The following BTBD9 variants were observed in gnomAD, a reference collection of about 807,000 sequenced individuals.
BTBD9 encodes BTB/POZ domain-containing protein 9.
BTBD9 carries 49 observed loss-of-function variants against 64.3 expected under a neutral mutation model. The observed-to-expected ratio is 0.76, with a 90% confidence interval of 0.61 to 0.97. BTBD9 has a LOEUF of 0.97. Among genes scored for constraint, BTBD9 ranks in the 50% least tolerant of loss-of-function variants. The pLI is 0.00. For missense variants in BTBD9, 598 were observed against 762.1 expected (o/e 0.78, Z 2.53); for synonymous variants, 260 against 274.7 (o/e 0.95, Z 0.53).
At chr6:38,631,482 T>C (rs1778360244) in intron 1 of BTBD9, among the ~76,000 whole-genome samples, 1 of 152,224 alleles carries the variant, frequency 6.6e-6, no homozygotes, top group African/African-American at 2.4e-5. Context: ...AGTAACAGTG[T>C]TATATTCAAA....
intron 6 of BTBD9, chr6:38,566,104 T>C (rs1055018292): frequency 3.3e-5 from 5 of 152,142 alleles, no homozygotes; most frequent in Non-Finnish European, 7.4e-5. Context: ...TTTATTGATA[T>C]AGAATAACAA....
intron 8 of BTBD9, among the ~76,000 whole-genome samples, chr6:38,269,667 T>C (rs575680108): frequency 1.3e-5 from 2 of 152,290 alleles, no homozygotes; most frequent in South Asian, 4.1e-4. Flanking sequence ...AAGGGAGGGT[T>C]TGCAGTTCTC....
At chr6:38,417,793 AG>A (rs1767734887) in intron 6 of BTBD9, among the ~76,000 whole-genome samples, 13 of 102,506 alleles carry the variant, frequency 1.3e-4, no homozygotes, top group Admixed American at 1.0e-4. Context: ...AGAGAGAGAG[AG>A]AGAGAGAAAA....
chr6:38,463,367 C>T (rs1464962233), intron 6 of BTBD9, among the ~76,000 whole-genome samples: 1 of 152,210 alleles, frequency 6.6e-6, no homozygotes, highest in Admixed American at 6.5e-5. Flanking sequence ...ATGCCTTTTA[C>T]TTCTCTTCCT....
chr6:38,308,389 A>G (rs985524596), intron 7 of BTBD9, among the ~76,000 whole-genome samples: 3 of 152,376 alleles, frequency 2.0e-5, no homozygotes, highest in African/African-American at 7.2e-5. Context: ...TGATTTATAC[A>G]AACACAGGAG....
At chr6:38,356,935 T>A (rs1764750536) in intron 6 of BTBD9, among the ~76,000 whole-genome samples, 1 of 152,138 alleles carries the variant, frequency 6.6e-6, no homozygotes, top group Non-Finnish European at 1.5e-5. Flanking sequence ...ATGGGGGTGC[T>A]GGGGAGGGTG....
chr6:38,276,528 A>C (rs531148091), intron 8 of BTBD9, among the ~76,000 whole-genome samples: 1 of 152,252 alleles, frequency 6.6e-6, no homozygotes, highest in South Asian at 2.1e-4. Flanking sequence ...AAAAAAAGAA[A>C]TGGTCAAAGG....
chr6:38,318,004 G>A (rs951997958), intron 7 of BTBD9, among the ~76,000 whole-genome samples: 7 of 143,968 alleles, frequency 4.9e-5, no homozygotes, highest in East Asian at 2.0e-4. Flanking sequence ...GCGTGATCTC[G>A]GCTCATTGCA....
At chr6:38,203,878 A>T (rs1001790093) in intron 9 of BTBD9, among the ~76,000 whole-genome samples, 1 of 152,176 alleles carries the variant, frequency 6.6e-6, no homozygotes, top group Non-Finnish European at 1.5e-5. Flanking sequence ...AATGTATTGT[A>T]TATTTCAAAG....
chr6:38,219,162 G>A (rs1196436468), intron 9 of BTBD9, among the ~76,000 whole-genome samples: 2 of 124,994 alleles, frequency 1.6e-5, no homozygotes, highest in African/African-American at 6.4e-5. Context: ...TTGAGACCGA[G>A]TCTTGCTCTG....
chr6:38,536,887 A>G (rs1774043743), intron 6 of BTBD9, among the ~76,000 whole-genome samples: 1 of 152,190 alleles, frequency 6.6e-6, no homozygotes, highest in Admixed American at 6.5e-5. Flanking sequence ...GATAGAATGA[A>G]TAAGATCTAG....
intron 6 of BTBD9, among the ~76,000 whole-genome samples, chr6:38,543,801 C>CA (rs746893738): frequency 6.6e-6 from 1 of 151,864 alleles, no homozygotes. Flanking sequence ...ACTAAAAATA[C>CA]AAAAAATTAG....
intron 6 of BTBD9, among the ~76,000 whole-genome samples, chr6:38,497,312 C>T (rs1008337384): frequency 2.6e-5 from 4 of 152,054 alleles, no homozygotes; most frequent in South Asian, 2.1e-4. Context: ...TTGCTGTATA[C>T]GATCTAGTAT....
intron 10 of BTBD9, among the ~76,000 whole-genome samples, chr6:38,175,901 A>G (rs1466095814): frequency 1.3e-5 from 2 of 152,256 alleles, no homozygotes; most frequent in Non-Finnish European, 2.9e-5. Context: ...AGCCTGGAAC[A>G]AACGCCCCCA....
intron 8 of BTBD9, among the ~76,000 whole-genome samples, chr6:38,258,039 G>A (rs902857553): frequency 6.6e-6 from 1 of 151,904 alleles, no homozygotes; most frequent in Admixed American, 6.6e-5. Flanking sequence ...GGGCTGGAGT[G>A]TAATGGCGCG....
At chr6:38,595,835 C>T (rs555527163) in intron 2 of BTBD9, 131 of 984,890 alleles carry the variant, frequency 1.3e-4, no homozygotes, top group Non-Finnish European at 1.5e-4. Flanking sequence ...AGAGAGCATC[C>T]AACCATTACC....
At chr6:38,479,061 A>G (rs1771014377) in intron 6 of BTBD9, among the ~76,000 whole-genome samples, 1 of 152,238 alleles carries the variant, frequency 6.6e-6, no homozygotes, top group South Asian at 2.1e-4. Context: ...CCAAAAGCTC[A>G]AAAAGTTCTC....
chr6:38,609,115 C>G (rs1582712338), intron 1 of BTBD9, among the ~76,000 whole-genome samples: 1 of 152,130 alleles, frequency 6.6e-6, no homozygotes, highest in South Asian at 2.1e-4. Flanking sequence ...AGGCACAACT[C>G]AAGCCAACAA....
chr6:38,329,446 C>T (rs1459133095), intron 7 of BTBD9, among the ~76,000 whole-genome samples: 2 of 151,584 alleles, frequency 1.3e-5, no homozygotes, highest in Non-Finnish European at 2.9e-5. Flanking sequence ...CCTAAGCCTC[C>T]GGAGTAGCTG....
Sources: gnomAD v4.1 joint callset for allele counts (sites outside exome capture counted in the v4.1 genomes callset) on GRCh38, gnomAD v4.1.1 for gene constraint, MANE v1.5 for transcripts, NCBI Gene and HGNC (gene_info 2026-07-23, HGNC 2026-07-21) for gene names.